Variants in RTN1 observed in about 807,000 individuals in gnomAD.
The protein encoded by RTN1 is reticulon 1.
RTN1 carries 25 observed loss-of-function variants against 65.5 expected under a neutral mutation model. That is an observed-to-expected ratio of 0.38 (90% CI 0.28 to 0.53). RTN1 has a LOEUF of 0.53. Among genes scored for constraint, RTN1 ranks in the 20% least tolerant of loss-of-function variants. The pLI is 0.79. For synonymous variants in RTN1, 471 were observed against 447.6 expected (o/e 1.05, Z -0.66); for missense variants, 983 against 1,025.4 (o/e 0.96, Z 0.57).
At chr14:59,814,448 C>T (rs1360093390) in intron 1 of RTN1, among the ~76,000 whole-genome samples, 1 of 152,184 alleles carries the variant, frequency 6.6e-6, no homozygotes, top group Non-Finnish European at 1.5e-5. Context: ...ATAGTGGAGT[C>T]TGCTCTACAT....
chr14:59,645,107 T>G (rs1324688154), intron 3 of RTN1, among the ~76,000 whole-genome samples: 2 of 152,180 alleles, frequency 1.3e-5, no homozygotes, highest in East Asian at 3.9e-4. Context: ...CCTTTCCTTA[T>G]GGGTCCTGGA....
At chr14:59,749,497 A>C (rs1453391401) in intron 1 of RTN1, among the ~76,000 whole-genome samples, 1 of 74,096 alleles carries the variant, frequency 1.3e-5, no homozygotes, top group Non-Finnish European at 2.2e-5. Context: ...ATATCTATAT[A>C]TATCTATATA....
At chr14:59,734,017 C>T in intron 2 of RTN1, among the ~76,000 whole-genome samples, 1 of 152,214 alleles carries the variant, frequency 6.6e-6, no homozygotes, top group African/African-American at 2.4e-5. Flanking sequence ...TGGGATGGAG[C>T]TTCCAGAGGA....
intron 1 of RTN1, among the ~76,000 whole-genome samples, chr14:59,787,106 T>C (rs1051212200): frequency 4.6e-5 from 7 of 152,180 alleles, no homozygotes; most frequent in African/African-American, 1.7e-4. Flanking sequence ...AAGTCTATTT[T>C]GAGTCACTAT....
chr14:59,756,937 C>T (rs141212355), intron 1 of RTN1, among the ~76,000 whole-genome samples: 2,474 of 151,768 alleles, frequency 0.016, 37 homozygotes, highest in Non-Finnish European at 0.027. Context: ...GATTCTCCTG[C>T]CTCAGTCTCC....
chr14:59,637,946 G>A (rs1251460805), intron 3 of RTN1, among the ~76,000 whole-genome samples: 4 of 151,956 alleles, frequency 2.6e-5, no homozygotes, highest in East Asian at 3.9e-4. Flanking sequence ...CCGCCTCCTG[G>A]GTTCAAGTGA....
At chr14:59,773,187 A>G (rs569573809) in intron 1 of RTN1, among the ~76,000 whole-genome samples, 1 of 152,298 alleles carries the variant, frequency 6.6e-6, no homozygotes, top group East Asian at 1.9e-4. Flanking sequence ...AACCCCAAAG[A>G]TAGTAAAATC....
Position 59,684,700 on chromosome 14 carries a change from A to C in RTN1, c.1765+42219T>G, listed in dbSNP as rs926659707. ...TAGTTTTGTTAGGATTACCTCCTTGAGATTTTTTTTATATGGGGTACTTGA... is the reference window on the plus strand; with the variant it reads ...TAGTTTTGTTAGGATTACCTCCTTGCGATTTTTTTTATATGGGGTACTTGA... On this transcript the variant is annotated intron_variant, in intron 3 of 8. Transcript: ENST00000267484. Among the ~76,000 whole-genome samples the C allele has an allele frequency of 2.3e-4, 35 of 152,150 alleles. 1 individual carries two copies. The highest frequency in any genetic ancestry group is 2.2e-3 in the Admixed American group (33 of 15,276).
chr14:59,811,278 T>C (rs969587812), intron 1 of RTN1, among the ~76,000 whole-genome samples: 2 of 152,122 alleles, frequency 1.3e-5, no homozygotes, highest in Non-Finnish European at 2.9e-5. Context: ...GCAAAGAAAC[T>C]ATAGGTTGAT....
chr14:59,804,962 G>A (rs1056525443), intron 1 of RTN1, among the ~76,000 whole-genome samples: 4 of 152,192 alleles, frequency 2.6e-5, no homozygotes, highest in African/African-American at 2.4e-5. Context: ...TCTTCCCCAA[G>A]CAGGTCACAG....
At chr14:59,751,534 C>A (rs2139529503) in intron 1 of RTN1, among the ~76,000 whole-genome samples, 1 of 152,154 alleles carries the variant, frequency 6.6e-6, no homozygotes, top group Middle Eastern at 3.4e-3. Context: ...AGTAATTATT[C>A]ACCAGAAAGT....
intron 1 of RTN1, among the ~76,000 whole-genome samples, chr14:59,769,697 A>C (rs1885917356): frequency 6.6e-6 from 1 of 152,226 alleles, no homozygotes. Flanking sequence ...GTAACAGTCT[A>C]CCCAATTCCT....
intron 3 of RTN1, among the ~76,000 whole-genome samples, chr14:59,676,865 T>C (rs575843249): frequency 6.6e-6 from 1 of 152,254 alleles, no homozygotes; most frequent in Non-Finnish European, 1.5e-5. Flanking sequence ...ACCGCAGCAT[T>C]GAAAAGTGAT....
chr14:59,751,873 T>C (rs1370785537), intron 1 of RTN1, among the ~76,000 whole-genome samples: 1 of 152,170 alleles, frequency 6.6e-6, no homozygotes, highest in African/African-American at 2.4e-5. Flanking sequence ...CTCTGTAGCC[T>C]GGCATTTGAG....
Position 59,596,593 on chromosome 14 carries a change from C to G in RTN1, c.*152G>C. 2.0e-5 allele frequency: 13 copies of G among 655,526 alleles called. No homozygotes were observed. In the South Asian group the frequency reaches 2.4e-4, roughly 12 times the overall value. 40.6% of individuals were successfully genotyped at this position (655,526 alleles called of 1,614,324 possible). A position where few individuals can be genotyped will look rare whatever the true frequency, so the allele number is the denominator to read the frequency against. ...TCAAATATCCTAAGAGTACAAGGAA[C>G]AGCCTAAAAACAGCTGTTTTAAGGT... is the stretch of plus-strand genomic sequence containing the variant. On this transcript the variant is annotated 3_prime_UTR_variant, in exon 9 of 9. Transcript: ENST00000267484.
intron 3 of RTN1, among the ~76,000 whole-genome samples, chr14:59,614,028 T>C (rs1463066927): frequency 6.6e-6 from 1 of 152,126 alleles, no homozygotes; most frequent in Admixed American, 6.5e-5. Flanking sequence ...CACACTTGGA[T>C]AGGAGAAGCA....
rs1290273559 is a variant in RTN1, at chr14:59,774,554, T to C, written c.242-28073A>G. Among the ~76,000 whole-genome samples the C allele has an allele frequency of 1.3e-5, 2 of 150,842 alleles. No homozygotes were observed. The highest frequency in any genetic ancestry group is 2.9e-5 in the Non-Finnish European group (2 of 68,032). On this transcript the variant is annotated intron_variant, in intron 1 of 8. Transcript: ENST00000267484. This position sits in a 1 kb window ranked among gnomAD's most constrained non-coding sequence, Gnocchi z 5.1. ...CACACTGATCAAAATCAGTTCAAAA[T>C]AGTCCAGTTCTTTAATTTGCTTTCT... is the stretch of plus-strand genomic sequence containing the variant.
chr14:59,663,896 G>A (rs572904763), intron 3 of RTN1, among the ~76,000 whole-genome samples: 2 of 152,164 alleles, frequency 1.3e-5, no homozygotes, highest in Non-Finnish European at 2.9e-5. Context: ...AGCCATTGTG[G>A]AAGATAGTGT....
chr14:59,658,701 A>T (rs1413156399), intron 3 of RTN1, among the ~76,000 whole-genome samples: 1 of 152,196 alleles, frequency 6.6e-6, no homozygotes, highest in Non-Finnish European at 1.5e-5. Context: ...AACAAAAAGG[A>T]CGTCCACACA....
Sources: gnomAD v4.1 joint callset for allele counts (sites outside exome capture counted in the v4.1 genomes callset) on GRCh38, gnomAD v4.1.1 for gene constraint, Gnocchi (gnomAD v3.1) non-coding constraint, MANE v1.5 for transcripts, NCBI Gene and HGNC (gene_info 2026-07-23, HGNC 2026-07-21) for gene names.